The following ADAMTSL4 variants were observed in gnomAD, a reference collection of about 807,000 sequenced individuals.
ADAMTSL4 encodes ADAMTS like 4, also known as ADAMTS-like protein 4.
A neutral mutation model predicts 122.8 loss-of-function variants in ADAMTSL4; 97 were observed. That is an observed-to-expected ratio of 0.79 (90% CI 0.67 to 0.93). The LOEUF is 0.93. Among genes scored for constraint, ADAMTSL4 ranks in the 40% least tolerant of loss-of-function variants. ADAMTSL4 has a pLI of 0.00. For synonymous variants in ADAMTSL4, 592 were observed against 568.0 expected (o/e 1.04, Z -0.60); for missense variants, 1,408 against 1,453.5 (o/e 0.97, Z 0.51).
In ADAMTSL4 at chr1:150,553,879, G is replaced by C. The variant is rs771518824; in HGVS notation, c.888G>C (p.Gly296=). 1 of 1,613,868 alleles carries C rather than the reference G, an allele frequency of 6.2e-7. No homozygotes were observed. Residue 296 remains glycine (G), a synonymous_variant, in exon 6 of 19, where the codon GGG becomes GGC. Coordinates refer to ENST00000271643, the MANE Select transcript of ADAMTSL4 (RefSeq NM_019032.6). The part of the protein sequence containing the change: ...SQGWASPQVA[G]RRPDPFPSVP... ...GTTGGGCCAGTCCCCAGGTAGCAGG[G>C]AGACGCCCTGATCCTTTTCCTTCGG...
Position 150,559,440 on chromosome 1 carries a change from C to T in ADAMTSL4, c.2917C>T (p.Arg973Ter), listed in dbSNP as rs757198328. The change falls in exon 17 of 19, where the codon CGA (arginine) becomes TGA (stop). Residue 973 changes from arginine (R) to a stop codon, truncating the protein, a stop_gained. Transcript: ENST00000271643. LOFTEE classifies it high-confidence loss of function. This position sits in a 1 kb window ranked among gnomAD's most constrained non-coding sequence, Gnocchi z 4.1. ...QPCQGQACQDRWFSTPWSPCS... is the reference protein window; with the variant it reads ...QPCQGQACQD ...CTGTCAAGGGCAGGCCTGCCAGGAC[C>T]GATGGTTTTCCACGCCCTGGAGCCC... 8 of 1,613,500 alleles carry T rather than the reference C, an allele frequency of 5.0e-6. No individual in the cohort carries two copies. The highest frequency in any genetic ancestry group is 4.5e-5 in the East Asian group (2 of 44,878).
chr1:150,558,649 G>A lies in ADAMTSL4; in HGVS notation c.2559G>A (p.Lys853=), dbSNP rs779364402. 2 of 1,613,642 alleles carry A rather than the reference G, an allele frequency of 1.2e-6. No individual in the cohort carries two copies. The highest frequency in any genetic ancestry group is 1.3e-5 in the African/African-American group (1 of 74,902). ...TAWFHSDWSS[K]CSAECGTGIQ... ...GGTTCCACAGCGACTGGAGCTCCAAGGTGAGCCCGGAACCCCCAGCCATAT... is the reference window on the plus strand; with the variant it reads ...GGTTCCACAGCGACTGGAGCTCCAAAGTGAGCCCGGAACCCCCAGCCATAT... The change falls in exon 15 of 19, where the codon AAG becomes AAA. Residue 853 remains lysine, a splice_region_variant and synonymous_variant. Coordinates refer to ENST00000271643, the MANE Select transcript of ADAMTSL4 (RefSeq NM_019032.6).
At position 150,556,688 on chromosome 1, in the gene ADAMTSL4, C is replaced by A. The variant is rs764020901; in HGVS notation, c.1644C>A (p.Tyr548Ter). Reference protein sequence around the residue: ...GNWAVDPPGSYRAGGTVFRYN... With the variant: ...GNWAVDPPGS ...GGGCTGTGGATCCCCCTGGGTCCTACAGGGCCGGCGGGACCGTCTTTCGAT... is the reference window on the plus strand; with the variant it reads ...GGGCTGTGGATCCCCCTGGGTCCTAAAGGGCCGGCGGGACCGTCTTTCGAT... The change falls in exon 10 of 19, where the codon TAC becomes TAA. Residue 548 changes from tyrosine to a stop codon, truncating the protein, a stop_gained. Coordinates refer to ENST00000271643, the MANE Select transcript of ADAMTSL4 (RefSeq NM_019032.6). LOFTEE classifies it high-confidence loss of function. The surrounding 1 kb of genome is among the most constrained non-coding windows in gnomAD (Gnocchi z 4.1). The A allele has an allele frequency of 6.2e-7, 1 of 1,614,060 alleles. No individual in the cohort carries two copies. Among genetic ancestry groups the A allele is most frequent in the Non-Finnish European group, 8.5e-7 (1 of 1,180,000 alleles).
rs760826707 is a variant in ADAMTSL4, at chr1:150,553,134, G to C, written c.315G>C (p.Gln105His). ...CCCGGGGCCAGGGTCCCAGACCCCA[G>C]ACTTCTCCAGAAACCCTCCCCTTGT... ...LLPRGQGPRP[Q>H]TSPETLPLYR... is the part of the protein sequence containing the mutation. The change falls in exon 5 of 19, where the codon CAG becomes CAC. Residue 105 changes from glutamine (Q) to histidine (H), a missense_variant. By Grantham distance (24) the Gln-to-His change is conservative. Coordinates refer to ENST00000271643, the MANE Select transcript of ADAMTSL4 (RefSeq NM_019032.6). 6.2e-7 allele frequency: 1 copy of C among 1,612,944 alleles called. No individual in the cohort carries two copies. The highest frequency in any genetic ancestry group is 8.5e-7 in the Non-Finnish European group (1 of 1,179,684).
chr1:150,555,294 A>C, intron 7 of ADAMTSL4, 135 bp from the exon 8 acceptor site: 1 of 1,160,666 alleles, frequency 8.6e-7, no homozygotes. Context: ...GGCCCTGACC[A>C]CCTCAGCTTG....
Position 150,558,022 on chromosome 1 carries a change from A to G in ADAMTSL4, c.2255A>G (p.Gln752Arg), listed in dbSNP as rs749595185. ...CAGCACCGCCAGCTGCAGTGCCGGC[A>G]GGAATTTGGGGGGGGTGGCTCCTCG... ...GTQHRQLQCR[Q>R]EFGGGGSSVP... Residue 752 changes from glutamine to arginine, a missense_variant, in exon 14 of 19, where the codon CAG (glutamine) becomes CGG (arginine). Coordinates refer to ENST00000271643, the MANE Select transcript of ADAMTSL4 (RefSeq NM_019032.6). 1 of 1,612,716 alleles carries G rather than the reference A, an allele frequency of 6.2e-7. No homozygotes were observed. Among genetic ancestry groups the G allele is most frequent in the South Asian group, 1.1e-5 (1 of 91,056 alleles).
chr1:150,558,212 G>A (rs1458889704), intron 14 of ADAMTSL4, 63 bp downstream of exon 14: 1 of 1,601,000 alleles, frequency 6.2e-7, no homozygotes, highest in African/African-American at 1.3e-5. Flanking sequence ...CAACAGCAGT[G>A]GTTTTTCAAC....
chr1:150,550,387 G>A (rs1671276301), intron 2 of ADAMTSL4: 2 of 447,460 alleles, frequency 4.5e-6, no homozygotes, highest in African/African-American at 2.0e-5. Flanking sequence ...GCCAGGCCTG[G>A]CCCGGGCCCC....
Position 150,552,463 on chromosome 1 carries a change from C to T in ADAMTSL4, c.21-80C>T. On this transcript the variant is annotated intron_variant, in intron 3 of 18. Transcript: ENST00000271643. This position sits in a 1 kb window ranked among gnomAD's most constrained non-coding sequence, Gnocchi z 4.0. The stretch of plus-strand genomic sequence containing the variant: ...GAAGTTGGTAGTCAGGATATGGGAG[C>T]CGGCTGGGGGCGGAGGGCAGTGTTG... 6.3e-7 allele frequency: 1 copy of T among 1,598,336 alleles called. No homozygotes were observed. Among genetic ancestry groups the T allele is most frequent in the South Asian group, 1.1e-5 (1 of 90,378 alleles).
Position 150,559,087 on chromosome 1 carries a change from C to G in ADAMTSL4, c.2685C>G (p.Ser895Arg). The part of the protein sequence containing the change: ...AGTGQSCPTG[S>R]RPPDMRACSL... Reference sequence around the variant, plus strand: ...CTGGGCAGAGCTGTCCAACAGGAAGCCGGCCCCCTGACATGCGCGCCTGCA... The same window carrying G: ...CTGGGCAGAGCTGTCCAACAGGAAGGCGGCCCCCTGACATGCGCGCCTGCA... Residue 895 changes from serine (S) to arginine (R), a missense_variant, in exon 16 of 19, where the codon AGC becomes AGG. Ser to Arg is a moderately radical substitution (Grantham distance 110). Coordinates refer to ENST00000271643, the MANE Select transcript of ADAMTSL4 (RefSeq NM_019032.6). This position sits in a 1 kb window ranked among gnomAD's most constrained non-coding sequence, Gnocchi z 4.1. 6.2e-7 allele frequency: 1 copy of G among 1,612,764 alleles called. No individual in the cohort carries two copies. Among genetic ancestry groups the G allele is most frequent in the Non-Finnish European group, 8.5e-7 (1 of 1,179,952 alleles).
Sources: gnomAD v4.1 joint callset for allele counts on GRCh38, gnomAD v4.1.1 for gene constraint, Gnocchi (gnomAD v3.1) non-coding constraint, MANE v1.5 for transcripts, NCBI Gene and HGNC (gene_info 2026-07-23, HGNC 2026-07-21) for gene names.